SAG: variants seen among roughly 807,000 people sequenced by gnomAD.
The protein encoded by SAG is S-antigen visual arrestin.
Under a neutral mutation model 55.0 loss-of-function variants are expected in SAG, and 45 were observed. The ratio of observed to expected loss-of-function variants is 0.82; its 90% confidence interval spans 0.64 to 1.05. The LOEUF is 1.05. SAG is among the 50% of genes least tolerant of loss of function. The probability of loss-of-function intolerance (pLI) is 0.00; values close to 1 mark genes in which losing one functional copy is unlikely to be tolerated. For synonymous variants in SAG, 189 were observed against 197.4 expected (o/e 0.96, Z 0.36); for missense variants, 455 against 512.1 (o/e 0.89, Z 1.08).
Position 233,339,851 on chromosome 2 carries a change from C to T in SAG, c.1023-604C>T, listed in dbSNP as rs190862956. 7.2e-3 allele frequency among the ~76,000 whole-genome samples: 1,087 copies of T among 151,386 alleles called. 10 individuals are homozygous for T. Among genetic ancestry groups the T allele is most frequent in the African/African-American group, 0.025 (1,033 of 41,240 alleles). ...CTAATTTTTGTATTTTTAGTAGAGA[C>T]GGGGTTTCACCATGTTAGCCAGGCT... On this transcript the variant is annotated intron_variant, in intron 12 of 15. Coordinates refer to ENST00000409110, the MANE Select transcript of SAG (RefSeq NM_000541.5).
chr2:233,322,024 CACACACACACACAT>C (rs1476340137), intron 5 of SAG, among the ~76,000 whole-genome samples: 1 of 90,020 alleles, frequency 1.1e-5, no homozygotes, highest in Non-Finnish European at 2.5e-5. Flanking sequence ...CACACACACA[CACACACACACACAT>C]TAGTCAGGCG....
At chr2:233,318,620 C>T (rs1700282915) in intron 3 of SAG, 131 bp from the exon 4 acceptor site, 1 of 799,690 alleles carries the variant, frequency 1.3e-6, no homozygotes, top group South Asian at 1.6e-5. Flanking sequence ...TTCCCTTTGC[C>T]TGACTTTTCT....
rs1477389292 is a variant in SAG, at chr2:233,319,616, A to C, written c.181+821A>C. 1.0e-6 allele frequency: 1 copy of C among 986,830 alleles called. No individual in the cohort carries two copies. The highest frequency in any genetic ancestry group is 1.1e-4 in the East Asian group (1 of 8,822). The allele number at this position is 986,830 out of a possible 1,614,324, so 61.1% of individuals were successfully genotyped here. A position where few individuals can be genotyped will look rare whatever the true frequency, so the allele number is the denominator to read the frequency against. On this transcript the variant is annotated intron_variant, in intron 4 of 15. Transcript: ENST00000409110. The surrounding 1 kb of genome is among the most constrained non-coding windows in gnomAD (Gnocchi z 4.4). ...GGGGGCATGGCTGAAATGGGGCCCC[A>C]AACGGCCCCCTCTGTCCTCTCCACC... is the stretch of plus-strand genomic sequence containing the variant.
At chr2:233,310,570 CG>C (rs915562228) in intron 2 of SAG, among the ~76,000 whole-genome samples, 6 of 141,232 alleles carry the variant, frequency 4.2e-5, no homozygotes, top group Non-Finnish European at 9.0e-5. Flanking sequence ...AGTGCAGTGG[CG>C]TGATCTCAGC....
intron 14 of SAG, chr2:233,345,731 A>C (rs916007425): frequency 3.9e-5 from 6 of 152,322 alleles, no homozygotes; most frequent in African/African-American, 1.4e-4. Flanking sequence ...AAATAAATAA[A>C]TAAGAAAGGA....
chr2:233,323,425 A>G (rs1005383232), intron 6 of SAG, among the ~76,000 whole-genome samples: 2 of 151,336 alleles, frequency 1.3e-5, no homozygotes, highest in Admixed American at 1.3e-4. Context: ...GTGCAATGGC[A>G]TGATCTCGGC....
rs765920100 is a variant in SAG, at chr2:233,340,480, T to C, written c.1046+2T>C. 4.3e-6 allele frequency: 7 copies of C among 1,609,960 alleles called. No homozygotes were observed. In the South Asian group the frequency reaches 7.8e-5, roughly 18 times the overall value. Reference sequence around the variant, plus strand: ...CTTTCTGGGAGAGCTCACCTCCAGGTAAGCCTGTTCACCTTCCTTGTTTGA... The same window carrying C: ...CTTTCTGGGAGAGCTCACCTCCAGGCAAGCCTGTTCACCTTCCTTGTTTGA... On this transcript the variant is annotated splice_donor_variant, in intron 13 of 15. Coordinates refer to ENST00000409110, the MANE Select transcript of SAG (RefSeq NM_000541.5). LOFTEE classifies it high-confidence loss of function. The surrounding 1 kb of genome is among the most constrained non-coding windows in gnomAD (Gnocchi z 4.2).
intron 11 of SAG, among the ~76,000 whole-genome samples, chr2:233,336,280 T>A (rs1700924314): frequency 6.6e-6 from 1 of 152,010 alleles, no homozygotes; most frequent in Non-Finnish European, 1.5e-5. Context: ...TTTAGGAGGC[T>A]GAGGCGGGTG....
At chr2:233,338,008 AG>A (rs1002669293) in intron 11 of SAG, among the ~76,000 whole-genome samples, 25 of 152,200 alleles carry the variant, frequency 1.6e-4, no homozygotes, top group African/African-American at 5.8e-4. Context: ...GGCACATCTG[AG>A]GGTCTCGCAC....
At chr2:233,342,643 G>C (rs1025616199) in intron 14 of SAG, 9 of 283,070 alleles carry the variant, frequency 3.2e-5, no homozygotes, top group African/African-American at 1.1e-4. Context: ...CCTGGATTTA[G>C]AATTAAAGAT....
At position 233,322,882 on chromosome 2, in the gene SAG, A is replaced by T. The variant is rs375766226; in HGVS notation, c.376-64A>T. On this transcript the variant is annotated intron_variant, in intron 5 of 15. Transcript: ENST00000409110. ...TTTATTTTCTAATTTTTACATGATT[A>T]TATATTACTTAATGGAACAGCCCCT... is the stretch of plus-strand genomic sequence containing the variant. The T allele has an allele frequency of 1.4e-3, 1,339 of 940,938 alleles. 1 individual carries two copies. Among genetic ancestry groups the T allele is most frequent in the Non-Finnish European group, 2.0e-3 (1,212 of 608,058 alleles). 58.3% of individuals were successfully genotyped at this position (940,938 alleles called of 1,614,324 possible). A position where few individuals can be genotyped will look rare whatever the true frequency, so the allele number is the denominator to read the frequency against.
chr2:233,331,424 T>C, intron 9 of SAG: 2 of 594,606 alleles, frequency 3.4e-6, no homozygotes, highest in South Asian at 4.0e-5. Flanking sequence ...TGGGTGGGAG[T>C]TGATACAGAG....
chr2:233,336,884 C>G (rs555863817), intron 11 of SAG, among the ~76,000 whole-genome samples: 5 of 152,154 alleles, frequency 3.3e-5, no homozygotes, highest in Admixed American at 6.5e-5. Flanking sequence ...TCGCTTGAGC[C>G]CAGGAGTTTG....
At chr2:233,337,440 G>A (rs935810592) in intron 11 of SAG, among the ~76,000 whole-genome samples, 1 of 152,148 alleles carries the variant, frequency 6.6e-6, no homozygotes, top group Non-Finnish European at 1.5e-5. Flanking sequence ...GTTTCGCCAT[G>A]TTGTCCAGGC....
At position 233,340,429 on chromosome 2, in the gene SAG, G is replaced by A. The variant is rs202188551; in HGVS notation, c.1023-26G>A. ...TCGTGTTACCACTGTGACAGTTAAC[G>A]ACAGGCGTTTGTTTGTGTTTTCTAG... On this transcript the variant is annotated intron_variant, in intron 12 of 15. Transcript: ENST00000409110. The surrounding 1 kb of genome is among the most constrained non-coding windows in gnomAD (Gnocchi z 4.2). The A allele has an allele frequency of 1.1e-5, 18 of 1,607,558 alleles. No individual in the cohort carries two copies. The East Asian group carries it at 1.8e-4, about 16-fold the overall frequency.
At position 233,312,105 on chromosome 2, in the gene SAG, A is replaced by G. The variant is rs150487011; in HGVS notation, c.75+2841A>G. Among the ~76,000 whole-genome samples, 685 of 152,258 alleles carry G rather than the reference A, an allele frequency of 4.5e-3. 5 individuals carry two copies. The highest frequency in any genetic ancestry group is 0.016 in the African/African-American group (649 of 41,564). ...CGCGCCATTGCACTCCAGCCTGGGC[A>G]ACAAGAGCGAAACTCTGTCTCAAAT... is the stretch of plus-strand genomic sequence containing the variant. On this transcript the variant is annotated intron_variant, in intron 2 of 15. Transcript: ENST00000409110.
intron 14 of SAG, chr2:233,346,055 A>T (rs1351258402): frequency 6.4e-6 from 1 of 156,834 alleles, no homozygotes; most frequent in Non-Finnish European, 1.4e-5. Flanking sequence ...TGGGAGCCTG[A>T]GACACGAGAA....
rs371128858 is a variant in SAG at position 233,320,760 on chromosome 2, C to G, written c.312C>G (p.Pro104=). 3.7e-6 allele frequency: 6 copies of G among 1,606,478 alleles called. No homozygotes were observed. The highest frequency in any genetic ancestry group is 2.7e-5 in the African/African-American group (2 of 74,748). The change falls in exon 5 of 16, where the codon CCC becomes CCG. Residue 104 remains proline, a synonymous_variant. Coordinates refer to ENST00000409110, the MANE Select transcript of SAG (RefSeq NM_000541.5). ...VYPPVGAAST[P]TKLQESLLKK... is the part of the protein sequence containing the mutation. ...CTCCTGTGGGGGCCGCGAGCACCCC[C>G]ACAAAACTGCAAGAGAGCCTGCTTA... is the stretch of plus-strand genomic sequence containing the variant.
At chr2:233,346,507 C>T (rs952895365) in intron 15 of SAG, 95 bp downstream of exon 15, 23 of 1,354,124 alleles carry the variant, frequency 1.7e-5, no homozygotes, top group Non-Finnish European at 2.4e-5. Context: ...GCACATATCC[C>T]AAGCTCTCCT....
Sources: gnomAD v4.1 joint callset for allele counts (sites outside exome capture counted in the v4.1 genomes callset) on GRCh38, gnomAD v4.1.1 for gene constraint, Gnocchi (gnomAD v3.1) non-coding constraint, MANE v1.5 for transcripts, NCBI Gene and HGNC (gene_info 2026-07-23, HGNC 2026-07-21) for gene names.